Variants in SEMA4D observed in about 807,000 individuals in gnomAD.
SEMA4D encodes the protein semaphorin 4D, also known as semaphorin-4D.
A neutral mutation model predicts 74.8 loss-of-function variants in SEMA4D; 22 were observed. That is an observed-to-expected ratio of 0.29 (90% CI 0.21 to 0.42). SEMA4D has a LOEUF of 0.42. Ranked by LOEUF, SEMA4D falls within the 10% of genes least tolerant of loss-of-function variation. The pLI, the probability that SEMA4D is intolerant of heterozygous loss-of-function variation, is 1.00. For missense variants in SEMA4D, 937 were observed against 1,118.4 expected (o/e 0.84, Z 2.31); for synonymous variants, 445 against 463.7 (o/e 0.96, Z 0.52).
chr9:89,458,020 G>T (rs958229755), intron 1 of SEMA4D, among the ~76,000 whole-genome samples: 1 of 152,174 alleles, frequency 6.6e-6, no homozygotes, highest in Non-Finnish European at 1.5e-5. Context: ...TCGATAGAGC[G>T]AGACTGGGTC....
At chr9:89,465,083 G>A (rs1858331488) in intron 1 of SEMA4D, among the ~76,000 whole-genome samples, 1 of 152,184 alleles carries the variant, frequency 6.6e-6, no homozygotes, top group South Asian at 2.1e-4. Context: ...GACCAGCCCA[G>A]GAAGGGGGCA....
At chr9:89,391,194 A>C (rs1302064190) in intron 9 of SEMA4D, 70 bp downstream of exon 9, 3 of 1,495,162 alleles carry the variant, frequency 2.0e-6, no homozygotes. Flanking sequence ...GAAGGTCAGG[A>C]GCCACCCATC....
intron 6 of SEMA4D, among the ~76,000 whole-genome samples, chr9:89,396,093 G>C (rs925323570): frequency 6.6e-6 from 1 of 152,178 alleles, no homozygotes; most frequent in Non-Finnish European, 1.5e-5. Context: ...GGGCAGTCAA[G>C]GATGTGAGCC....
intron 13 of SEMA4D, among the ~76,000 whole-genome samples, chr9:89,383,580 G>A (rs578118999): frequency 2.5e-4 from 38 of 152,286 alleles, no homozygotes; most frequent in African/African-American, 9.1e-4. Context: ...CAGGAATGTG[G>A]TGGGCGGGAG....
rs1302142493 is a variant in SEMA4D at position 89,393,411 on chromosome 9, C to CTA, written c.508+149_508+150dup. On this transcript the variant is annotated intron_variant, in intron 7 of 15. Transcript: ENST00000422704. ...ACAATGAATTCAAAAGTTAAAGGGTCTATGCAGTCACATGTGCCTTTTGTA... is the reference window on the plus strand; with the variant it reads ...ACAATGAATTCAAAAGTTAAAGGGTCTATATGCAGTCACATGTGCCTTTTGTA... 3.6e-5 allele frequency: 23 copies of CTA among 641,622 alleles called. 1 individual carries two copies. Among genetic ancestry groups the CTA allele is most frequent in the African/African-American group, 2.7e-4 (15 of 54,584 alleles). 39.7% of individuals were successfully genotyped at this position (641,622 alleles called of 1,614,324 possible).
At position 89,484,720 on chromosome 9, in the gene SEMA4D, T is replaced by C. The variant is rs1195612456; in HGVS notation, c.-310+13199A>G. On this transcript the variant is annotated intron_variant, in intron 1 of 15. Transcript: ENST00000422704. This position sits in a 1 kb window ranked among gnomAD's most constrained non-coding sequence, Gnocchi z 4.1. ...GTATGTGATGTGGTGTATGGATGTG[T>C]TGTGTGTTATGTGTGTGTGGTGTGG... Among the ~76,000 whole-genome samples the C allele has an allele frequency of 6.6e-6, 1 of 150,532 alleles. No homozygotes were observed. Among genetic ancestry groups the C allele is most frequent in the Non-Finnish European group, 1.5e-5 (1 of 67,548 alleles).
At chr9:89,452,776 G>A (rs970672080) in intron 2 of SEMA4D, among the ~76,000 whole-genome samples, 1 of 152,204 alleles carries the variant, frequency 6.6e-6, no homozygotes, top group Non-Finnish European at 1.5e-5. Context: ...AAGCAGCTTT[G>A]GGATGCACGG....
chr9:89,442,777 A>T (rs1006099590), intron 2 of SEMA4D, among the ~76,000 whole-genome samples: 1 of 152,116 alleles, frequency 6.6e-6, no homozygotes, highest in African/African-American at 2.4e-5. Context: ...AGTGTCTGGC[A>T]TGGCTGCAGC....
chr9:89,460,017 G>A (rs1856846975), intron 1 of SEMA4D, among the ~76,000 whole-genome samples: 1 of 152,194 alleles, frequency 6.6e-6, no homozygotes, highest in Non-Finnish European at 1.5e-5. Flanking sequence ...ACAGGACTGA[G>A]CTAAGGCTCA....
At chr9:89,361,933 A>G (rs1396400040) in exon 19 of SEMA4D, 1 of 174,484 alleles carries the variant, frequency 5.7e-6, no homozygotes, top group African/African-American at 2.4e-5. Context: ...CTTGATTTGC[A>G]TCAATAAAAG....
At chr9:89,424,448 G>T (rs140851804) in intron 2 of SEMA4D, among the ~76,000 whole-genome samples, 20 of 152,166 alleles carry the variant, frequency 1.3e-4, no homozygotes, top group African/African-American at 4.6e-4. Flanking sequence ...TAAAGCCCAC[G>T]ACCACAACAT....
At chr9:89,481,823 C>T (rs903693723) in intron 1 of SEMA4D, among the ~76,000 whole-genome samples, 25 of 152,248 alleles carry the variant, frequency 1.6e-4, no homozygotes, top group Admixed American at 4.6e-4. Flanking sequence ...TGCTCTGCTC[C>T]TCTTCCCAGG....
At position 89,453,857 on chromosome 9, in the gene SEMA4D, C is replaced by CTT. The variant is rs11300976; in HGVS notation, c.-244+2029_-244+2030dup. 2.1e-3 allele frequency among the ~76,000 whole-genome samples: 272 copies of CTT among 127,938 alleles called. 8 individuals carry two copies. Among genetic ancestry groups the CTT allele is most frequent in the Non-Finnish European group, 3.3e-3 (199 of 59,992 alleles). 83.9% of individuals were successfully genotyped at this position (127,938 alleles called of 152,430 possible). A position where few individuals can be genotyped will look rare whatever the true frequency, so the allele number is the denominator to read the frequency against. On this transcript the variant is annotated intron_variant, in intron 2 of 15. Transcript: ENST00000422704. ...TCAACCCAAGTTGTAGAATATATGT[C>CTT]TTTTTTTTTTTTTTTTTTGAGATGG...
intron 1 of SEMA4D, among the ~76,000 whole-genome samples, chr9:89,471,703 T>G (rs1182868379): frequency 4.0e-5 from 6 of 151,094 alleles, no homozygotes; most frequent in Non-Finnish European, 8.8e-5. Context: ...CCAGATAGGG[T>G]GCACGCTGGC....
At chr9:89,386,579 T>C in intron 12 of SEMA4D, 97 bp from the exon 13 acceptor site, 1 of 716,596 alleles carries the variant, frequency 1.4e-6, no homozygotes, top group South Asian at 1.7e-5. Flanking sequence ...CACTCTCAAG[T>C]CATTCCCTCC....
At chr9:89,412,559 C>A (rs943809792) in intron 2 of SEMA4D, among the ~76,000 whole-genome samples, 1 of 152,206 alleles carries the variant, frequency 6.6e-6, no homozygotes, top group African/African-American at 2.4e-5. Flanking sequence ...CAGCAGGGCA[C>A]GGGCACCCCC....
chr9:89,389,411 T>C (rs1839317418), intron 9 of SEMA4D, among the ~76,000 whole-genome samples: 1 of 152,242 alleles, frequency 6.6e-6, no homozygotes, highest in African/African-American at 2.4e-5. Flanking sequence ...ATTGTGTGAC[T>C]TTCCTGACAT....
intron 1 of SEMA4D, among the ~76,000 whole-genome samples, chr9:89,491,265 A>G (rs1417636417): frequency 2.0e-5 from 3 of 152,132 alleles, no homozygotes; most frequent in East Asian, 3.9e-4. Flanking sequence ...GCCTCTGGGG[A>G]GCCTGTTAAA....
At chr9:89,370,829 CTG>C (rs991355945) in intron 16 of SEMA4D, among the ~76,000 whole-genome samples, 9 of 108,706 alleles carry the variant, frequency 8.3e-5, no homozygotes, top group Admixed American at 4.7e-4. Context: ...TGGTGTGTGT[CTG>C]GGGTGCGGTG....
Sources: allele counts gnomAD v4.1 joint callset (sites outside exome capture counted in the v4.1 genomes callset), GRCh38; gene constraint gnomAD v4.1.1; non-coding constraint Gnocchi (gnomAD v3.1); transcripts MANE v1.5; gene names NCBI Gene and HGNC (gene_info 2026-07-23, HGNC 2026-07-21).